The following EEFSEC variants were observed in gnomAD, a reference collection of about 807,000 sequenced individuals.
The protein encoded by EEFSEC is selenocysteine-specific elongation factor.
EEFSEC carries 43 observed loss-of-function variants against 42.1 expected under a neutral mutation model. That is an observed-to-expected ratio of 1.02 (90% CI 0.80 to 1.32). The LOEUF (loss-of-function observed/expected upper bound fraction) is 1.32. Ranked by LOEUF, EEFSEC falls within the 40% of genes most tolerant of loss-of-function variation. The pLI is 0.00. For missense variants in EEFSEC, 745 were observed against 803.6 expected (o/e 0.93, Z 0.88); for synonymous variants, 354 against 339.1 (o/e 1.04, Z -0.48).
intron 1 of EEFSEC, among the ~76,000 whole-genome samples, chr3:128,218,909 T>C (rs1428063090): frequency 6.6e-6 from 1 of 152,228 alleles, no homozygotes; most frequent in Non-Finnish European, 1.5e-5. Flanking sequence ...TATGTCCTCC[T>C]TCAGTTAGGC....
chr3:128,340,165 T>G (rs2067234461), intron 4 of EEFSEC, among the ~76,000 whole-genome samples: 1 of 152,194 alleles, frequency 6.6e-6, no homozygotes, highest in African/African-American at 2.4e-5. Flanking sequence ...CTCTTAGGGC[T>G]TGCACTTATC....
chr3:128,311,079 A>T (rs1390692917), intron 4 of EEFSEC, among the ~76,000 whole-genome samples: 1 of 152,274 alleles, frequency 6.6e-6, no homozygotes, highest in Non-Finnish European at 1.5e-5. Context: ...AATGCAGGTG[A>T]TATCCTTCTA....
chr3:128,313,575 G>A (rs546962129), intron 4 of EEFSEC, among the ~76,000 whole-genome samples: 3 of 152,346 alleles, frequency 2.0e-5, no homozygotes, highest in Admixed American at 1.3e-4. Flanking sequence ...GCATGAGGAG[G>A]TCCACTTTGG....
In EEFSEC at chr3:128,246,927, T is replaced by G. The variant is rs1282473891; in HGVS notation, c.408T>G (p.Ile136Met). 4.3e-6 allele frequency: 7 copies of G among 1,614,216 alleles called. No homozygotes were observed. Among genetic ancestry groups the G allele is most frequent in the Non-Finnish European group, 5.9e-6 (7 of 1,180,040 alleles). The change falls in exon 2 of 7, where the codon ATT becomes ATG. Residue 136 changes from isoleucine to methionine, a missense_variant. By Grantham distance (10) the Ile-to-Met change is conservative (BLOSUM62 1). Coordinates refer to ENST00000254730, the MANE Select transcript of EEFSEC (RefSeq NM_021937.5). ...QSAECLVIGQ[I>M]ACQKLVVVLN... ...CGGAATGCCTTGTGATCGGCCAGAT[T>G]GCCTGCCAGAAGCTGGTCGTGGTGC...
At chr3:128,364,719 G>C (rs530531447) in intron 6 of EEFSEC, among the ~76,000 whole-genome samples, 1 of 152,342 alleles carries the variant, frequency 6.6e-6, no homozygotes, top group South Asian at 2.1e-4. Flanking sequence ...CTGACCCCCA[G>C]GCCCTGCAGC....
At chr3:128,233,146 C>T (rs2107869944) in intron 1 of EEFSEC, among the ~76,000 whole-genome samples, 1 of 152,360 alleles carries the variant, frequency 6.6e-6, no homozygotes, top group South Asian at 2.1e-4. Context: ...CTTTCCCCTA[C>T]CTCTCACTGA....
At chr3:128,395,631 GC>G (rs1464270700) in intron 6 of EEFSEC, among the ~76,000 whole-genome samples, 1 of 152,204 alleles carries the variant, frequency 6.6e-6, no homozygotes, top group Non-Finnish European at 1.5e-5. Flanking sequence ...TGGGACTCCT[GC>G]CAGGCCTCCC....
downstream of EEFSEC, among the ~76,000 whole-genome samples, chr3:128,410,439 T>C (rs1483761944): frequency 1.3e-5 from 2 of 152,112 alleles, no homozygotes; most frequent in African/African-American, 2.4e-5. Flanking sequence ...TGGGGTTCCA[T>C]GGAAGCTGTC....
At chr3:128,174,851 G>GGAA (rs2065332288) in intron 1 of EEFSEC, among the ~76,000 whole-genome samples, 1 of 152,128 alleles carries the variant, frequency 6.6e-6, no homozygotes, top group Non-Finnish European at 1.5e-5. Flanking sequence ...TGAAGTCCTT[G>GGAA]GGGCAGTCAA....
At chr3:128,298,609 C>G (rs767780677) in intron 4 of EEFSEC, among the ~76,000 whole-genome samples, 4 of 152,214 alleles carry the variant, frequency 2.6e-5, no homozygotes, top group Non-Finnish European at 4.4e-5. Flanking sequence ...GTTCTTCTAG[C>G]TACTTTGAAC....
At chr3:128,279,634 G>T (rs2066504995) in intron 4 of EEFSEC, among the ~76,000 whole-genome samples, 1 of 152,086 alleles carries the variant, frequency 6.6e-6, no homozygotes, top group African/African-American at 2.4e-5. Flanking sequence ...CAGCCATAGG[G>T]TCAGAGGGGA....
At chr3:128,310,319 T>TA (rs966873131) in intron 4 of EEFSEC, among the ~76,000 whole-genome samples, 2 of 152,254 alleles carry the variant, frequency 1.3e-5, no homozygotes, top group African/African-American at 4.8e-5. Context: ...AGGGGCCACA[T>TA]ACAACCATCT....
In EEFSEC at chr3:128,408,456, T is replaced by G; in HGVS notation, c.*197T>G. On this transcript the variant is annotated 3_prime_UTR_variant, in exon 7 of 7. Coordinates refer to ENST00000254730, the MANE Select transcript of EEFSEC (RefSeq NM_021937.5). Reference sequence around the variant, plus strand: ...TTGCTGGGGCCAGGAGGGTCTCTCCTCCAGCCCCTGCACACTCCCACCCAG... The same window carrying G: ...TTGCTGGGGCCAGGAGGGTCTCTCCGCCAGCCCCTGCACACTCCCACCCAG... 1.9e-6 allele frequency: 1 copy of G among 532,962 alleles called. No homozygotes were observed. Among genetic ancestry groups the G allele is most frequent in the Non-Finnish European group, 3.2e-6 (1 of 315,660 alleles). The allele number at this position is 532,962 out of a possible 1,614,324, so 33.0% of individuals were successfully genotyped here.
rs1193184500 is a variant in EEFSEC, at chr3:128,302,517, TTA to T, written c.786+37737_786+37738del. On this transcript the variant is annotated intron_variant, in intron 4 of 6. Transcript: ENST00000254730. ...TAAATATCCTAAAACAATTATTTTT[TTA>T]AAAAAGTTTGGCTTATAAGCAAAAT... 5.9e-5 allele frequency among the ~76,000 whole-genome samples: 9 copies of T among 152,314 alleles called. No homozygotes were observed. The South Asian group carries it at 1.9e-3, about 32-fold the overall frequency.
chr3:128,236,059 G>C (rs2066007552), intron 1 of EEFSEC, among the ~76,000 whole-genome samples: 1 of 152,160 alleles, frequency 6.6e-6, no homozygotes, highest in Non-Finnish European at 1.5e-5. Context: ...CCGCCTCCCG[G>C]GTTCAAGTGT....
intron 4 of EEFSEC, among the ~76,000 whole-genome samples, chr3:128,295,061 T>C (rs1390609698): frequency 1.3e-5 from 2 of 152,222 alleles, no homozygotes; most frequent in South Asian, 2.1e-4. Flanking sequence ...GTGGTGTTTG[T>C]CCGTTGCTGG....
intron 2 of EEFSEC, among the ~76,000 whole-genome samples, chr3:128,247,435 G>A (rs2066139783): frequency 6.6e-6 from 1 of 152,180 alleles, no homozygotes; most frequent in Admixed American, 6.5e-5. Context: ...ATACTTTGGT[G>A]CAAGAGAGGC....
At chr3:128,347,273 A>G (rs994971060) in intron 5 of EEFSEC, among the ~76,000 whole-genome samples, 1 of 152,128 alleles carries the variant, frequency 6.6e-6, no homozygotes. Context: ...AAAAAAAAAA[A>G]AGAAGAAGAG....
intron 5 of EEFSEC, among the ~76,000 whole-genome samples, chr3:128,346,530 C>T (rs145715491): frequency 5.3e-4 from 80 of 152,298 alleles, no homozygotes; most frequent in African/African-American, 1.9e-3. Context: ...AGTACTTTGC[C>T]ATGTAATGTG....
Sources: gnomAD v4.1 joint callset for allele counts (sites outside exome capture counted in the v4.1 genomes callset) on GRCh38, gnomAD v4.1.1 for gene constraint, MANE v1.5 for transcripts, NCBI Gene and HGNC (gene_info 2026-07-23, HGNC 2026-07-21) for gene names.